Variants in ANO10 observed in about 807,000 individuals in gnomAD.
ANO10 encodes the protein anoctamin 10, also known as anoctamin-10.
A neutral mutation model predicts 74.7 loss-of-function variants in ANO10; 77 were observed. The ratio of observed to expected loss-of-function variants is 1.03; its 90% CI spans 0.86 to 1.25. The LOEUF (loss-of-function observed/expected upper bound fraction) is 1.25, where lower values mean the gene tolerates loss of function less well. Among genes scored for constraint, ANO10 ranks in the 50% most tolerant of loss-of-function variants. The probability of loss-of-function intolerance (pLI) is 0.00; values close to 1 mark genes in which losing one functional copy is unlikely to be tolerated. For synonymous variants in ANO10, 279 were observed against 284.9 expected (o/e 0.98, Z 0.21); for missense variants, 721 against 778.1 (o/e 0.93, Z 0.87).
intron 11 of ANO10, among the ~76,000 whole-genome samples, chr3:43,541,779 G>A (rs574813538): frequency 3.9e-5 from 6 of 152,286 alleles, no homozygotes; most frequent in African/African-American, 1.4e-4. Context: ...CATGCTCTCA[G>A]GAAGCTCGAT....
In ANO10 at chr3:43,549,768, G is replaced by C; in HGVS notation, c.1749C>G (p.Val583=). The C allele has an allele frequency of 6.2e-7, 1 of 1,613,992 alleles. No homozygotes were observed. The highest frequency in any genetic ancestry group is 8.5e-7 in the Non-Finnish European group (1 of 1,179,896). ...TGAGGTCTGCTTTTGATTCTGGAAA[G>C]ACTGCATTCACTTGTGGTGACATTC... ...LIGMSPQVNA[V]FPESKADLIL... Residue 583 remains valine (V), a synonymous_variant, in exon 11 of 13, where the codon GTC becomes GTG. Transcript: ENST00000292246.
chr3:43,413,001 A>G (rs554117415), intron 12 of ANO10, among the ~76,000 whole-genome samples: 1 of 152,210 alleles, frequency 6.6e-6, no homozygotes, highest in African/African-American at 2.4e-5. Flanking sequence ...CAGTGAGCCA[A>G]GGTTGCCCCA....
chr3:43,482,250 A>G (rs1013123099), intron 11 of ANO10, among the ~76,000 whole-genome samples: 19 of 152,024 alleles, frequency 1.2e-4, no homozygotes, highest in African/African-American at 4.3e-4. Context: ...ATGTCTCCCT[A>G]TAATGTATAA....
At chr3:43,403,950 A>T (rs2092529650) in intron 12 of ANO10, among the ~76,000 whole-genome samples, 1 of 152,130 alleles carries the variant, frequency 6.6e-6, no homozygotes, top group South Asian at 2.1e-4. Context: ...CCCCTCCTGG[A>T]GTATAAGCAG....
At chr3:43,380,942 C>T (rs1039969573) in intron 12 of ANO10, among the ~76,000 whole-genome samples, 9 of 152,194 alleles carry the variant, frequency 5.9e-5, no homozygotes, top group Non-Finnish European at 1.0e-4. Context: ...CACATTTACG[C>T]ATGGCCCAGG....
intron 11 of ANO10, among the ~76,000 whole-genome samples, chr3:43,469,038 C>CTTTTTTTTTTTTTTT (rs371985258): frequency 1.4e-5 from 1 of 70,338 alleles, no homozygotes. Flanking sequence ...CAATTAGCTG[C>CTTTTTTTTTTTTTTT]TTTTTTTTTT....
chr3:43,490,232 C>G (rs1235488512), intron 11 of ANO10, among the ~76,000 whole-genome samples: 1 of 152,190 alleles, frequency 6.6e-6, no homozygotes, highest in Non-Finnish European at 1.5e-5. Context: ...TTCCCCTTCT[C>G]AGATCTCCAA....
intron 1 of ANO10, among the ~76,000 whole-genome samples, chr3:43,654,277 T>C (rs1242261976): frequency 1.3e-5 from 2 of 152,122 alleles, no homozygotes; most frequent in African/African-American, 4.8e-5. Flanking sequence ...AAATAGGAAA[T>C]GGCTTTAATT....
chr3:43,688,375 GAC>G (rs1166168305), intron 1 of ANO10, among the ~76,000 whole-genome samples: 1 of 152,162 alleles, frequency 6.6e-6, no homozygotes, highest in East Asian at 1.9e-4. Flanking sequence ...AGTTTCTGCA[GAC>G]ACACTACAAG....
At chr3:43,452,321 C>A (rs1284887801) in intron 11 of ANO10, among the ~76,000 whole-genome samples, 1 of 152,220 alleles carries the variant, frequency 6.6e-6, no homozygotes, top group African/African-American at 2.4e-5. Context: ...AAAGCCTATG[C>A]CCCTTAATGG....
At chr3:43,378,744 G>A (rs539677285) in intron 12 of ANO10, among the ~76,000 whole-genome samples, 79 of 152,238 alleles carry the variant, frequency 5.2e-4, no homozygotes, top group African/African-American at 1.4e-3. Flanking sequence ...CATCAGAATT[G>A]CAGGCACTAG....
chr3:43,368,333 G>C (rs766954186), intron 12 of ANO10, among the ~76,000 whole-genome samples: 2 of 152,164 alleles, frequency 1.3e-5, no homozygotes, highest in African/African-American at 4.8e-5. Flanking sequence ...CATTTCAGTA[G>C]GCCTGGAGTA....
At chr3:43,630,990 G>A (rs1358970356) in intron 1 of ANO10, among the ~76,000 whole-genome samples, 1 of 152,074 alleles carries the variant, frequency 6.6e-6, no homozygotes, top group Non-Finnish European at 1.5e-5. Context: ...TGTTAGTAGA[G>A]CCCAGTTTCC....
chr3:43,452,106 A>G (rs2148998429), intron 11 of ANO10, among the ~76,000 whole-genome samples: 1 of 152,342 alleles, frequency 6.6e-6, no homozygotes, highest in South Asian at 2.1e-4. Flanking sequence ...TTGGATACCA[A>G]TGTAGATCAA....
intron 12 of ANO10, among the ~76,000 whole-genome samples, chr3:43,375,661 C>G (rs939466653): frequency 2.0e-5 from 3 of 151,748 alleles, no homozygotes; most frequent in Non-Finnish European, 4.4e-5. Context: ...ACTCTCCTAG[C>G]TAAAAGAGGC....
intron 12 of ANO10, among the ~76,000 whole-genome samples, chr3:43,389,704 T>C (rs913576005): frequency 2.6e-5 from 4 of 152,128 alleles, no homozygotes; most frequent in African/African-American, 7.2e-5. Context: ...TGAAAACCAA[T>C]GGAAAGGAAG....
chr3:43,397,837 G>A (rs576995478), intron 12 of ANO10, among the ~76,000 whole-genome samples: 2 of 152,288 alleles, frequency 1.3e-5, no homozygotes, highest in South Asian at 4.2e-4. Flanking sequence ...AACTCAAATA[G>A]TCTCTCTTCT....
chr3:43,566,721 C>A (rs977229725), intron 7 of ANO10, among the ~76,000 whole-genome samples: 1 of 152,190 alleles, frequency 6.6e-6, no homozygotes, highest in South Asian at 2.1e-4. Flanking sequence ...GTAGATAAAA[C>A]CACAAAGATG....
At chr3:43,561,165 G>A in intron 9 of ANO10, 55 bp downstream of exon 9, 9 of 1,570,676 alleles carry the variant, frequency 5.7e-6, no homozygotes, top group Non-Finnish European at 7.9e-6. Flanking sequence ...TGAACTCAGT[G>A]CATGGCTATT....
Sources: allele counts gnomAD v4.1 joint callset (sites outside exome capture counted in the v4.1 genomes callset), GRCh38; gene constraint gnomAD v4.1.1; transcripts MANE v1.5; gene names NCBI Gene and HGNC (gene_info 2026-07-23, HGNC 2026-07-21).